The following NRAP variants were observed in gnomAD, a reference collection of about 807,000 sequenced individuals.
NRAP encodes the protein nebulin related anchoring protein.
Under a neutral mutation model 225.9 loss-of-function variants are expected in NRAP, and 189 were observed. That is an observed-to-expected ratio of 0.84 (90% CI 0.74 to 0.94). NRAP has a LOEUF of 0.94. NRAP is among the 40% of genes least tolerant of loss of function. NRAP has a pLI of 0.00. For missense variants in NRAP, 2,176 were observed against 2,168.7 expected, an observed-to-expected ratio of 1.00 and a Z score of -0.07; for synonymous variants, 769 against 790.7, an observed-to-expected ratio of 0.97 and a Z score of 0.46.
At chr10:113,633,975 T>C (rs1848714537) in intron 15 of NRAP, 137 bp downstream of exon 15, 2 of 668,222 alleles carry the variant, frequency 3.0e-6, no homozygotes, top group Non-Finnish European at 5.4e-6. Flanking sequence ...TTAAAAGAAG[T>C]GGGGGTCATT....
intron 35 of NRAP, among the ~76,000 whole-genome samples, chr10:113,601,861 A>G (rs1564702003): frequency 6.6e-6 from 1 of 152,146 alleles, no homozygotes. Flanking sequence ...GATCAAATCG[A>G]ACCTCTTTGC....
chr10:113,646,930 G>C lies in NRAP; in HGVS notation c.986C>G (p.Ala329Gly). Residue 329 changes from alanine to glycine, a missense_variant, in exon 10 of 42, where the codon GCT becomes GGT. Ala to Gly is a moderately conservative substitution (Grantham distance 60). Around this residue, in one of 3 missense-constraint regions of NRAP, gnomAD observed 1,708 missense variants for 1,695.5 expected, o/e 1.01. Transcript: ENST00000359988. ...YQNAKKAHEL[A>G]SDIKYRQDFN... is the part of the protein sequence containing the mutation. Reference sequence around the variant, plus strand: ...CACCTACATGGTACTTACGTCACTAGCGAGTTCGTGAGCTTTCTTGGCGTT... The same window carrying C: ...CACCTACATGGTACTTACGTCACTACCGAGTTCGTGAGCTTTCTTGGCGTT... The C allele has an allele frequency of 6.2e-7, 1 of 1,611,300 alleles. No homozygotes were observed. The highest frequency in any genetic ancestry group is 8.5e-7 in the Non-Finnish European group (1 of 1,177,388).
At chr10:113,626,218 C>A in intron 20 of NRAP, 73 bp from the exon 21 acceptor site, 1 of 856,222 alleles carries the variant, frequency 1.2e-6, no homozygotes, top group South Asian at 1.7e-5. Flanking sequence ...TGTGCCCCCA[C>A]ACACACACAC....
chr10:113,661,009 G>A (rs1850639707), intron 3 of NRAP, among the ~76,000 whole-genome samples: 2 of 152,144 alleles, frequency 1.3e-5, no homozygotes, highest in African/African-American at 4.8e-5. Context: ...ACTTAGCAGA[G>A]TGTTCAGTAC....
At chr10:113,630,495 G>A (rs769884915) in intron 18 of NRAP, among the ~76,000 whole-genome samples, 18 of 152,150 alleles carry the variant, frequency 1.2e-4, no homozygotes, top group Non-Finnish European at 2.4e-4. Flanking sequence ...TAGTGCTGAT[G>A]GGAGAAGATA....
chr10:113,615,658 T>C (rs1847610690), intron 27 of NRAP, 54 bp downstream of exon 27: 2 of 982,220 alleles, frequency 2.0e-6, no homozygotes, highest in Non-Finnish European at 3.3e-6. Context: ...TGCCTGCCCA[T>C]GACCAGCCCC....
chr10:113,615,123 C>T (rs1305743266), intron 27 of NRAP, among the ~76,000 whole-genome samples, 177 bp from the exon 28 acceptor site: 1 of 151,792 alleles, frequency 6.6e-6, no homozygotes, highest in African/African-American at 2.4e-5. Context: ...GCCTCGTGCC[C>T]ACCTCTTTGG....
Position 113,602,199 on chromosome 10 carries a change from G to T in NRAP, c.4227+2410C>A, listed in dbSNP as rs148987166. On this transcript the variant is annotated intron_variant, in intron 35 of 41. Coordinates refer to ENST00000359988, the MANE Select transcript of NRAP (RefSeq NM_198060.4). ...GGCCCCTTTTTGCTTTTCTGATGGA[G>T]AGATGGAGGCCTAGAAAGGGAAGTG... is the stretch of plus-strand genomic sequence containing the variant. Among the ~76,000 whole-genome samples the T allele has an allele frequency of 2.8e-3, 419 of 152,330 alleles. 2 individuals are homozygous for T. Among genetic ancestry groups the T allele is most frequent in the African/African-American group, 9.7e-3 (402 of 41,570 alleles).
chr10:113,592,164 T>C, intron 39 of NRAP, 30 bp downstream of exon 39: 1 of 1,387,854 alleles, frequency 7.2e-7, no homozygotes, highest in South Asian at 1.3e-5. Flanking sequence ...AACTCATCAG[T>C]GACCGCAGGA....
chr10:113,608,595 C>T, intron 31 of NRAP, 83 bp from the exon 32 acceptor site: 3 of 868,562 alleles, frequency 3.5e-6, no homozygotes, highest in Non-Finnish European at 5.6e-6. Flanking sequence ...AAGTATTAGC[C>T]ATAAAGCCTC....
chr10:113,612,519 C>G (rs1283169264), intron 29 of NRAP, 88 bp from the exon 30 acceptor site: 1 of 1,096,284 alleles, frequency 9.1e-7, no homozygotes, highest in African/African-American at 1.5e-5. Flanking sequence ...ATGCAGTTGT[C>G]TGGAGGTAAG....
intron 26 of NRAP, 82 bp from the exon 27 acceptor site, chr10:113,615,898 G>A (rs1847636806): frequency 1.3e-6 from 1 of 778,438 alleles, no homozygotes; most frequent in Admixed American, 2.0e-5. Flanking sequence ...AAGAGTCCAA[G>A]CTGCTGCAGC....
intron 24 of NRAP, 136 bp downstream of exon 24, chr10:113,621,733 G>T (rs1248738243): frequency 1.3e-6 from 1 of 748,940 alleles, no homozygotes; most frequent in African/African-American, 1.8e-5. Flanking sequence ...AAAGTAAAGT[G>T]TTGCCACTTA....
intron 11 of NRAP, among the ~76,000 whole-genome samples, chr10:113,644,552 T>C (rs1849390088): frequency 6.6e-6 from 1 of 152,250 alleles, no homozygotes; most frequent in Admixed American, 6.5e-5. Flanking sequence ...GCTGGATTTG[T>C]CACTGAGGTT....
chr10:113,616,359 A>G (rs3121455), intron 26 of NRAP, among the ~76,000 whole-genome samples: 134,178 of 152,224 alleles, frequency 0.88, 59,245 homozygotes, highest in Middle Eastern at 0.91. Context: ...AGTTGGCATC[A>G]GCCACCAGAG....
chr10:113,622,488 A>G (rs923457758), intron 23 of NRAP, among the ~76,000 whole-genome samples: 1 of 152,236 alleles, frequency 6.6e-6, no homozygotes, highest in African/African-American at 2.4e-5. Flanking sequence ...AAGGAACTGA[A>G]ATTAAAAGAT....
At chr10:113,643,098 G>T (rs1849302292) in intron 11 of NRAP, 60 bp from the exon 12 acceptor site, 2 of 833,040 alleles carry the variant, frequency 2.4e-6, no homozygotes, top group African/African-American at 1.7e-5. Context: ...TCTTGAAAAT[G>T]TCCCAGGACT....
chr10:113,628,569 TC>T (rs1222590680), intron 20 of NRAP, among the ~76,000 whole-genome samples: 3 of 152,186 alleles, frequency 2.0e-5, no homozygotes, highest in African/African-American at 7.2e-5. Context: ...GAAAACAGTA[TC>T]CTCCAAATAC....
rs1405418941 is a variant in NRAP, at chr10:113,651,786, C to A, written c.675+17G>T. ...CAAATGCCCATCAGTGATGGACTGGCCTCCCTCCTTTCTTACATCACTTTG... is the reference window on the plus strand; with the variant it reads ...CAAATGCCCATCAGTGATGGACTGGACTCCCTCCTTTCTTACATCACTTTG... On this transcript the variant is annotated intron_variant, in intron 7 of 41. Coordinates refer to ENST00000359988, the MANE Select transcript of NRAP (RefSeq NM_198060.4). 6.6e-7 allele frequency: 1 copy of A among 1,520,380 alleles called. No homozygotes were observed. Among genetic ancestry groups the A allele is most frequent in the Non-Finnish European group, 9.1e-7 (1 of 1,095,496 alleles). 94.2% of individuals were successfully genotyped at this position (1,520,380 alleles called of 1,614,324 possible).
Sources: allele counts gnomAD v4.1 joint callset (sites outside exome capture counted in the v4.1 genomes callset), GRCh38; gene constraint gnomAD v4.1.1; regional missense constraint gnomAD v4.1.1; transcripts MANE v1.5; gene names NCBI Gene and HGNC (gene_info 2026-07-23, HGNC 2026-07-21).